Variants in ZNF316 observed in about 807,000 individuals in gnomAD.
ZNF316 encodes the protein zinc finger protein 316.
A neutral mutation model predicts 75.6 loss-of-function variants in ZNF316; 23 were observed. That is an observed-to-expected ratio of 0.30 (90% CI 0.22 to 0.43). The LOEUF (loss-of-function observed/expected upper bound fraction) is 0.43, where lower values mean the gene tolerates loss of function less well. ZNF316 is among the 20% of genes least tolerant of loss of function. The pLI, the probability that ZNF316 is intolerant of heterozygous loss-of-function variation, is 1.00. For synonymous variants in ZNF316, 827 were observed against 666.2 expected, an observed-to-expected ratio of 1.24 and a Z score of -3.72; for missense variants, 1,266 against 1,409.4, an observed-to-expected ratio of 0.90 and a Z score of 1.63.
Position 6,654,352 on chromosome 7 carries a change from A to G in ZNF316, c.2756A>G (p.Asn919Ser), listed in dbSNP as rs970451896. Residue 919 changes from asparagine (N) to serine (S), a missense_variant, in exon 9 of 9, where the codon AAC becomes AGC. Asn to Ser is a conservative substitution (Grantham distance 46). Transcript: ENST00000382252. ...GGCGAGCGGCCCTACGCCTGCGCCA[A>G]CTGCGGCCGCCGCTTCTCGCAGAGC... The part of the protein sequence containing the change: ...HTGERPYACA[N>S]CGRRFSQSSH... 2.5e-6 allele frequency: 3 copies of G among 1,220,906 alleles called. No individual in the cohort carries two copies. The highest frequency in any genetic ancestry group is 4.1e-5 in the South Asian group (1 of 24,508). 75.6% of individuals were successfully genotyped at this position (1,220,906 alleles called of 1,614,324 possible).
intron 6 of ZNF316, 118 bp downstream of exon 6, chr7:6,643,191 C>A: frequency 8.2e-7 from 1 of 1,212,862 alleles, no homozygotes; most frequent in Non-Finnish European, 1.0e-6. Context: ...AGTCCCCGGA[C>A]CAGGCCCAGG....
At chr7:6,647,193 G>A (rs1779421254) in intron 8 of ZNF316, among the ~76,000 whole-genome samples, 1 of 152,062 alleles carries the variant, frequency 6.6e-6, no homozygotes, top group Non-Finnish European at 1.5e-5. Context: ...CTGCAGACTG[G>A]CCCTTCTGAG....
intron 8 of ZNF316, among the ~76,000 whole-genome samples, chr7:6,650,524 T>C (rs976969351): frequency 1.3e-4 from 20 of 152,142 alleles, no homozygotes; most frequent in African/African-American, 4.8e-4. Flanking sequence ...TAGGTCCCCA[T>C]ATGGAATGTA....
chr7:6,651,689 C>G (rs778326821), intron 8 of ZNF316, among the ~76,000 whole-genome samples: 89 of 151,014 alleles, frequency 5.9e-4, no homozygotes, highest in Middle Eastern at 6.9e-3. Flanking sequence ...CTTGAACCCA[C>G]GAGGTGGAGG....
chr7:6,638,209 TG>T (rs1779251131), intron 2 of ZNF316, among the ~76,000 whole-genome samples, 200 bp downstream of exon 2: 1 of 151,956 alleles, frequency 6.6e-6, no homozygotes, highest in Non-Finnish European at 1.5e-5. Context: ...TGGGCAGGTC[TG>T]GGGGCCGGGT....
chr7:6,648,781 G>C (rs1779454370), intron 8 of ZNF316, among the ~76,000 whole-genome samples: 1 of 152,218 alleles, frequency 6.6e-6, no homozygotes, highest in Non-Finnish European at 1.5e-5. Flanking sequence ...GCGGAACTGA[G>C]CAGATGTGGG....
Position 6,653,231 on chromosome 7 carries a change from G to T in ZNF316, c.1635G>T (p.Ala545=), listed in dbSNP as rs1385071354. 23 of 1,225,228 alleles carry T rather than the reference G, an allele frequency of 1.9e-5. No individual in the cohort carries two copies. Among genetic ancestry groups the T allele is most frequent in the Non-Finnish European group, 2.1e-5 (21 of 984,192 alleles). The allele number at this position is 1,225,228 out of a possible 1,614,324, so 75.9% of individuals were successfully genotyped here. ...PGPEGSEVGE[A]DGEAEAAAEE... ...CAGAGGGATCTGAAGTTGGCGAGGC[G>T]GACGGAGAGGCGGAGGCCGCGGCCG... The change falls in exon 9 of 9, where the codon GCG becomes GCT. Residue 545 remains alanine, a synonymous_variant. Coordinates refer to ENST00000382252, the MANE Select transcript of ZNF316 (RefSeq NM_001278559.2).
rs958027486 is a variant in ZNF316, at chr7:6,647,619, C to T, written c.706+3026C>T. The stretch of plus-strand genomic sequence containing the variant: ...GGCCAGGCCCCAGTGGATGGGTTGT[C>T]AGAGGGAGAGAAGTGGCGCTGTTCA... On this transcript the variant is annotated intron_variant, in intron 8 of 8. Transcript: ENST00000382252. Among the ~76,000 whole-genome samples, 8 of 152,344 alleles carry T rather than the reference C, an allele frequency of 5.3e-5. No individual in the cohort carries two copies. In the East Asian group the frequency reaches 1.5e-3, roughly 29 times the overall value.
At position 6,652,742 on chromosome 7, in the gene ZNF316, C is replaced by T. The variant is rs1779533162; in HGVS notation, c.1146C>T (p.Phe382=). The change falls in exon 9 of 9, where the codon TTC becomes TTT. Residue 382 remains phenylalanine (F), a synonymous_variant. Coordinates refer to ENST00000382252, the MANE Select transcript of ZNF316 (RefSeq NM_001278559.2). Reference sequence around the variant, plus strand: ...GCTGCGAGGAGTGCGGCAAGGGCTTCGTGTACCGCTCGCACTTGGCCATCC... The same window carrying T: ...GCTGCGAGGAGTGCGGCAAGGGCTTTGTGTACCGCTCGCACTTGGCCATCC... ...PFGCEECGKG[F]VYRSHLAIHQ... 2 of 1,253,558 alleles carry T rather than the reference C, an allele frequency of 1.6e-6. No individual in the cohort carries two copies. The highest frequency in any genetic ancestry group is 1.0e-6 in the Non-Finnish European group (1 of 998,664). The allele number at this position is 1,253,558 out of a possible 1,614,324, so 77.7% of individuals were successfully genotyped here. A position where few individuals can be genotyped will look rare whatever the true frequency, so the allele number is the denominator to read the frequency against.
rs559187393 is a variant in ZNF316 at position 6,642,591 on chromosome 7, C to T, written c.182C>T (p.Ala61Val). Residue 61 changes from alanine to valine, a missense_variant, in exon 5 of 9, where the codon GCA becomes GTA. Physicochemically the swap from Ala to Val is moderately conservative, Grantham distance 64. Transcript: ENST00000382252. This position sits in a 1 kb window ranked among gnomAD's most constrained non-coding sequence, Gnocchi z 8.1. Reference sequence around the variant, plus strand: ...GTGGAGGAGGAGGAGGAGGGTGTGGCAGAGGTAGTGCAGGATGCGCAGGTG... The same window carrying T: ...GTGGAGGAGGAGGAGGAGGGTGTGGTAGAGGTAGTGCAGGATGCGCAGGTG... ...IVVEEEEEGVAEVVQDAQVEA... is the reference protein window; with the variant it reads ...IVVEEEEEGVVEVVQDAQVEA... 5.4e-5 allele frequency: 65 copies of T among 1,211,384 alleles called. No individual in the cohort carries two copies. In the South Asian group the frequency reaches 2.1e-3, roughly 39 times the overall value. 75.0% of individuals were successfully genotyped at this position (1,211,384 alleles called of 1,614,324 possible). A position where few individuals can be genotyped will look rare whatever the true frequency, so the allele number is the denominator to read the frequency against.
chr7:6,648,456 T>C (rs138822373), intron 8 of ZNF316, among the ~76,000 whole-genome samples: 1 of 152,252 alleles, frequency 6.6e-6, no homozygotes, highest in East Asian at 1.9e-4. Context: ...GGCCTTGGCA[T>C]CTGCAGGGAA....
intron 8 of ZNF316, among the ~76,000 whole-genome samples, chr7:6,647,636 C>T (rs989456492): frequency 1.3e-5 from 2 of 152,200 alleles, no homozygotes; most frequent in Admixed American, 1.3e-4. Context: ...AGAGAAGTGG[C>T]GCTGTTCAGT....
In ZNF316 at chr7:6,658,257, T is replaced by A. The variant is rs1028210282; in HGVS notation, c.*3646T>A. Among the ~76,000 whole-genome samples, 1 of 152,176 alleles carries A rather than the reference T, an allele frequency of 6.6e-6. No individual in the cohort carries two copies. Among genetic ancestry groups the A allele is most frequent in the Admixed American group, 6.5e-5 (1 of 15,270 alleles). On this transcript the variant is annotated 3_prime_UTR_variant, in exon 9 of 9. Coordinates refer to ENST00000382252, the MANE Select transcript of ZNF316 (RefSeq NM_001278559.2). ...ATTTTGAATTACTGGGTTATATCTA[T>A]TAAATAAAGCTTTATGATCTTTGCT... is the stretch of plus-strand genomic sequence containing the variant.
chr7:6,643,674 G>C (rs2115309617), intron 6 of ZNF316, 148 bp from the exon 7 acceptor site: 1 of 677,850 alleles, frequency 1.5e-6, no homozygotes, highest in East Asian at 3.5e-5. Flanking sequence ...TTGCTTTCCA[G>C]GGCTGTGGCA....
Position 6,642,459 on chromosome 7 carries a change from G to T in ZNF316, c.50G>T (p.Arg17Leu). 3.2e-6 allele frequency: 4 copies of T among 1,232,402 alleles called. No individual in the cohort carries two copies. Among genetic ancestry groups the T allele is most frequent in the Non-Finnish European group, 4.0e-6 (4 of 988,134 alleles). 76.3% of individuals were successfully genotyped at this position (1,232,402 alleles called of 1,614,324 possible). A position where few individuals can be genotyped will look rare whatever the true frequency, so the allele number is the denominator to read the frequency against. The change falls in exon 5 of 9, where the codon CGG becomes CTG. Residue 17 changes from arginine (R) to leucine (L), a missense_variant. By Grantham distance (102) the Arg-to-Leu change is moderately radical (BLOSUM62 -2). Transcript: ENST00000382252. This position sits in a 1 kb window ranked among gnomAD's most constrained non-coding sequence, Gnocchi z 8.1. ...TPDSPAAQLE[R>L]AEDGSECDPD... ...GACTCCCCAGCTGCCCAGCTGGAGCGGGCAGAGGACGGGTCAGAGTGCGAC... is the reference window on the plus strand; with the variant it reads ...GACTCCCCAGCTGCCCAGCTGGAGCTGGCAGAGGACGGGTCAGAGTGCGAC...
chr7:6,649,648 ACTTC>A (rs2115316562), intron 8 of ZNF316, among the ~76,000 whole-genome samples: 1 of 152,054 alleles, frequency 6.6e-6, no homozygotes, highest in South Asian at 2.1e-4. Flanking sequence ...GGGCCCTGCT[ACTTC>A]CTGGGAGCTC....
rs1779339730 is a variant in ZNF316 at position 6,643,073 on chromosome 7, G to C, written c.465G>C (p.Gln155His). The C allele has an allele frequency of 8.1e-7, 1 of 1,235,246 alleles. No individual in the cohort carries two copies. Among genetic ancestry groups the C allele is most frequent in the Non-Finnish European group, 1.0e-6 (1 of 989,906 alleles). 76.5% of individuals were successfully genotyped at this position (1,235,246 alleles called of 1,614,324 possible). A position where few individuals can be genotyped will look rare whatever the true frequency, so the allele number is the denominator to read the frequency against. ...ATGATTTGCTGACGGCTGGGTGTCA[G>C]GTGAGCCGCCCTCTCCGTTTGGGGC... ...DEDDLLTAGC[Q>H]ELVTFEDVAV... Residue 155 changes from glutamine to histidine, a missense_variant and splice_region_variant, in exon 6 of 9, where the codon CAG becomes CAC. This residue lies in a region of ZNF316 where 961 missense variants were observed against 990.9 expected (regional missense o/e 0.97). Coordinates refer to ENST00000382252, the MANE Select transcript of ZNF316 (RefSeq NM_001278559.2).
Position 6,642,201 on chromosome 7 carries a change from T to C in ZNF316, c.-28-181T>C, listed in dbSNP as rs1331806516. Reference sequence around the variant, plus strand: ...GCAGCCTTTCTGGGTACAGAATGTCTTGATGGTGCAGGGTAAGATCGTGGG... The same window carrying C: ...GCAGCCTTTCTGGGTACAGAATGTCCTGATGGTGCAGGGTAAGATCGTGGG... On this transcript the variant is annotated intron_variant, in intron 4 of 8. Transcript: ENST00000382252. This position sits in a 1 kb window ranked among gnomAD's most constrained non-coding sequence, Gnocchi z 8.1. 4 of 394,376 alleles carry C rather than the reference T, an allele frequency of 1.0e-5. No homozygotes were observed. In the East Asian group the frequency reaches 1.4e-4, roughly 14 times the overall value. The allele number at this position is 394,376 out of a possible 1,614,324, so 24.4% of individuals were successfully genotyped here.
chr7:6,654,695 G>A lies in ZNF316; in HGVS notation c.*84G>A. 1 of 1,089,556 alleles carries A rather than the reference G, an allele frequency of 9.2e-7. No homozygotes were observed. Among genetic ancestry groups the A allele is most frequent in the Non-Finnish European group, 1.1e-6 (1 of 886,470 alleles). 67.5% of individuals were successfully genotyped at this position (1,089,556 alleles called of 1,614,324 possible). The stretch of plus-strand genomic sequence containing the variant: ...CCGGCCCCCCGCTCCTCGGGCCCCG[G>A]GAGGCTGAGGGTCCCAGTCCTGGGT... On this transcript the variant is annotated 3_prime_UTR_variant, in exon 9 of 9. Transcript: ENST00000382252.
Sources: allele counts gnomAD v4.1 joint callset (sites outside exome capture counted in the v4.1 genomes callset), GRCh38; gene constraint gnomAD v4.1.1; regional missense constraint gnomAD v4.1.1; non-coding constraint Gnocchi (gnomAD v3.1); transcripts MANE v1.5; gene names NCBI Gene and HGNC (gene_info 2026-07-23, HGNC 2026-07-21).